CIRSR: variants seen among roughly 807,000 people sequenced by gnomAD.
CIRSR encodes CBF1 (RBPJ) interacting corepressor 1.
the CIRSR span, among the ~76,000 whole-genome samples, chr2:174,394,441 T>C: frequency 6.6e-6 from 1 of 151,986 alleles, no homozygotes; most frequent in Non-Finnish European, 1.5e-5. Context: ...ACTGGTGCAG[T>C]GGAAAAAAAA....
the CIRSR span, among the ~76,000 whole-genome samples, chr2:174,374,251 C>T: frequency 6.6e-6 from 1 of 152,186 alleles, no homozygotes; most frequent in African/African-American, 2.4e-5. Context: ...TTTCTTTCTA[C>T]CTAAGTTTTA....
the CIRSR span, among the ~76,000 whole-genome samples, chr2:174,375,406 G>A: frequency 6.6e-6 from 1 of 152,108 alleles, no homozygotes; most frequent in Non-Finnish European, 1.5e-5. Context: ...TCAGGAGTTT[G>A]AGACCAGCCT....
At chr2:174,368,705 G>A in the CIRSR span, among the ~76,000 whole-genome samples, 1 of 152,110 alleles carries the variant, frequency 6.6e-6, no homozygotes, top group African/African-American at 2.4e-5. Context: ...AAATACAACT[G>A]CTGTGTAATA....
chr2:174,371,529 T>G, the CIRSR span, among the ~76,000 whole-genome samples: 2 of 152,196 alleles, frequency 1.3e-5, no homozygotes, highest in African/African-American at 4.8e-5. Context: ...ACATATAATT[T>G]TGATTATCTG....
chr2:174,369,056 C>G, the CIRSR span, among the ~76,000 whole-genome samples: 6 of 152,242 alleles, frequency 3.9e-5, no homozygotes, highest in Non-Finnish European at 7.3e-5. Context: ...GACTTCTCTG[C>G]TAGCTATGAA....
At chr2:174,354,418 A>C in the CIRSR span, among the ~76,000 whole-genome samples, 2 of 76,532 alleles carry the variant, frequency 2.6e-5, no homozygotes, top group Admixed American at 2.6e-4. Flanking sequence ...ATTATATATA[A>C]TATATATTAT....
chr2:174,394,289 C>G, the CIRSR span, among the ~76,000 whole-genome samples: 1 of 152,116 alleles, frequency 6.6e-6, no homozygotes, highest in East Asian at 1.9e-4. Flanking sequence ...TCCATCTAAT[C>G]TCTTCATTCT....
chr2:174,384,945 C>A, the CIRSR span, among the ~76,000 whole-genome samples: 2 of 152,080 alleles, frequency 1.3e-5, no homozygotes. Flanking sequence ...CATGGCGGCT[C>A]ATGCCTGTAA....
chr2:174,348,780 T>TTATGGGTTC, the CIRSR span: 5 of 1,614,222 alleles, frequency 3.1e-6, no homozygotes, highest in Non-Finnish European at 3.4e-6. Flanking sequence ...TCTGGACTTT[T>TTATGGGTTC]TGTCAGAATC....
chr2:174,378,607 GAAAT>G, the CIRSR span: 4 of 339,794 alleles, frequency 1.2e-5, no homozygotes, highest in Non-Finnish European at 2.2e-5. Context: ...ATGAGTATGA[GAAAT>G]AAGCATTTTT....
chr2:174,363,615 T>C, the CIRSR span, among the ~76,000 whole-genome samples: 1 of 152,196 alleles, frequency 6.6e-6, no homozygotes. Flanking sequence ...GAGGTTTAAT[T>C]GGACTTATAG....
chr2:174,393,227 A>T, the CIRSR span, among the ~76,000 whole-genome samples: 27 of 152,348 alleles, frequency 1.8e-4, no homozygotes, highest in African/African-American at 6.5e-4. Flanking sequence ...AGCTTGGACC[A>T]CAATGTAAAT....
the CIRSR span, chr2:174,348,619 G>T: frequency 6.2e-7 from 1 of 1,614,156 alleles, no homozygotes; most frequent in Non-Finnish European, 8.5e-7. Context: ...TCTTCACCAG[G>T]ATTTCGCTGT....
chr2:174,358,631 A>G, the CIRSR span: 1 of 152,676 alleles, frequency 6.5e-6, no homozygotes, highest in African/African-American at 2.4e-5. Context: ...ATATCTGGCA[A>G]TAATAGTTAA....
chr2:174,395,535 G>A, the CIRSR span: 1 of 1,613,274 alleles, frequency 6.2e-7, no homozygotes, highest in South Asian at 1.1e-5. Flanking sequence ...ATCCCTCCCC[G>A]GGTCTGTTTA....
the CIRSR span, among the ~76,000 whole-genome samples, chr2:174,354,486 TATTATATAAATTATATTA>T: frequency 1.2e-3 from 90 of 72,772 alleles, 1 homozygote; most frequent in Admixed American, 0.022. Flanking sequence ...ATATATATTA[TATTATATAAATTATATTA>T]TATATATCAT....
the CIRSR span, chr2:174,350,546 A>G: frequency 1.8e-6 from 1 of 550,544 alleles, no homozygotes; most frequent in Non-Finnish European, 3.1e-6. Context: ...ATAATCAATA[A>G]ATGTGATGCA....
the CIRSR span, among the ~76,000 whole-genome samples, chr2:174,394,065 A>G: frequency 6.6e-6 from 1 of 152,236 alleles, no homozygotes; most frequent in Non-Finnish European, 1.5e-5. Context: ...CTTTACACAG[A>G]TGAGAAGAAT....
chr2:174,385,303 A>C, the CIRSR span, among the ~76,000 whole-genome samples: 1 of 152,064 alleles, frequency 6.6e-6, no homozygotes, highest in Admixed American at 6.6e-5. Context: ...AAACATTAAG[A>C]AATCTCTAGG....
Sources: gnomAD v4.1 joint callset for allele counts (sites outside exome capture counted in the v4.1 genomes callset) on GRCh38, gnomAD v4.1.1 for gene constraint, MANE v1.5 for transcripts, NCBI Gene and HGNC (gene_info 2026-07-23, HGNC 2026-07-21) for gene names.